CDH4: variants seen among roughly 807,000 people sequenced by gnomAD.
CDH4 encodes the protein cadherin 4, also known as cadherin-4.
CDH4 carries 33 observed loss-of-function variants against 86.0 expected under a neutral mutation model. The ratio of observed to expected loss-of-function variants is 0.38; its 90% CI spans 0.29 to 0.51. The LOEUF is 0.51. Among genes scored for constraint, CDH4 ranks in the 20% least tolerant of loss-of-function variants. The pLI, the probability that CDH4 is intolerant of heterozygous loss-of-function variation, is 0.86. For synonymous variants in CDH4, 555 were observed against 549.4 expected, an observed-to-expected ratio of 1.01 and a Z score of -0.14; for missense variants, 1,114 against 1,307.4, an observed-to-expected ratio of 0.85 and a Z score of 2.28.
Position 61,636,882 on chromosome 20 carries a change from G to T in CDH4, c.170-106681G>T, listed in dbSNP as rs938456718. 9.9e-4 allele frequency among the ~76,000 whole-genome samples: 151 copies of T among 152,280 alleles called. 1 individual carries two copies. Among genetic ancestry groups the T allele is most frequent in the African/African-American group, 3.5e-3 (147 of 41,578 alleles). ...CTGCATGGAGGGCAGCTAGCTGGGG[G>T]CCCACCCTCCCTGAGCTGCACCAGG... On this transcript the variant is annotated intron_variant, in intron 2 of 15. Transcript: ENST00000614565.
At chr20:61,386,132 CCT>C (rs2084949662) in intron 2 of CDH4, among the ~76,000 whole-genome samples, 3 of 152,162 alleles carry the variant, frequency 2.0e-5, no homozygotes, top group Non-Finnish European at 4.4e-5. Flanking sequence ...GAAGTTGACC[CCT>C]GTCTCATTGT....
chr20:61,562,981 A>G (rs1037793878), intron 2 of CDH4, among the ~76,000 whole-genome samples: 6 of 152,186 alleles, frequency 3.9e-5, no homozygotes, highest in Non-Finnish European at 8.8e-5. Context: ...GGCTGGGTCC[A>G]GGGGCACCAG....
Position 61,362,065 on chromosome 20 carries a change from C to T in CDH4, c.169+107128C>T, listed in dbSNP as rs534329884. 6.6e-5 allele frequency among the ~76,000 whole-genome samples: 10 copies of T among 152,330 alleles called. No individual in the cohort carries two copies. The East Asian group carries it at 1.4e-3, about 21-fold the overall frequency. ...CTGGTGAAGAAGATGCAGAGGGCTG[C>T]GCGTCCCTTAGCCAGCATGGTCGGT... On this transcript the variant is annotated intron_variant, in intron 2 of 15. Coordinates refer to ENST00000614565, the MANE Select transcript of CDH4 (RefSeq NM_001794.5).
chr20:61,548,225 C>T (rs764826250), intron 2 of CDH4, among the ~76,000 whole-genome samples: 4 of 152,188 alleles, frequency 2.6e-5, no homozygotes, highest in Non-Finnish European at 5.9e-5. Flanking sequence ...AAAACCTGTA[C>T]AGTTCCGAGC....
intron 2 of CDH4, among the ~76,000 whole-genome samples, chr20:61,539,800 T>G (rs6121674): frequency 0.26 from 39,252 of 152,128 alleles, 7,019 homozygotes; most frequent in African/African-American, 0.5. Context: ...GCTCTTGACC[T>G]CCATGGCTTC....
At chr20:61,386,015 G>A (rs1209682425) in intron 2 of CDH4, among the ~76,000 whole-genome samples, 2 of 152,192 alleles carry the variant, frequency 1.3e-5, no homozygotes, top group Non-Finnish European at 2.9e-5. Flanking sequence ...GACGCTCATG[G>A]ATGTTTCTCC....
chr20:61,258,347 A>AAAAAAAG (rs1568770415), intron 2 of CDH4, among the ~76,000 whole-genome samples: 43 of 109,890 alleles, frequency 3.9e-4, no homozygotes, highest in African/African-American at 8.2e-4. Context: ...AAAAAAAAAG[A>AAAAAAAG]AAAAAAAAAA....
rs10048847 is a variant in CDH4 at position 61,502,803 on chromosome 20, C to T, written c.170-240760C>T. On this transcript the variant is annotated intron_variant, in intron 2 of 15. Transcript: ENST00000614565. ...GAACTAGCTTATTGCATAAGAATTA[C>T]TCTGTACTGGGGCTCCTGAATTGGA... is the stretch of plus-strand genomic sequence containing the variant. 6.9e-3 allele frequency among the ~76,000 whole-genome samples: 1,045 copies of T among 152,230 alleles called. 10 individuals are homozygous for T. Among genetic ancestry groups the T allele is most frequent in the African/African-American group, 0.024 (1,004 of 41,522 alleles).
chr20:61,653,094 T>C (rs1158276496), intron 2 of CDH4, among the ~76,000 whole-genome samples: 3 of 127,634 alleles, frequency 2.4e-5, no homozygotes, highest in Admixed American at 1.6e-4. Context: ...CCTTCCGCAG[T>C]GTTTGTGTCC....
chr20:61,849,975 C>T (rs1424583636), intron 5 of CDH4, among the ~76,000 whole-genome samples: 1 of 152,194 alleles, frequency 6.6e-6, no homozygotes, highest in East Asian at 1.9e-4. Context: ...TTCCATTTTC[C>T]ACCCAGCTCT....
chr20:61,304,809 G>T (rs573578350), intron 2 of CDH4, among the ~76,000 whole-genome samples: 1 of 152,014 alleles, frequency 6.6e-6, no homozygotes, highest in East Asian at 1.9e-4. Flanking sequence ...TATTGTGTGT[G>T]GGGATGTGTG....
chr20:61,735,990 C>T (rs529572692), intron 2 of CDH4, among the ~76,000 whole-genome samples: 37 of 152,246 alleles, frequency 2.4e-4, no homozygotes, highest in Middle Eastern at 3.4e-3. Flanking sequence ...ACATTGGGCC[C>T]TAAAGGGGGT....
chr20:61,430,024 C>T (rs2085237371), intron 2 of CDH4, among the ~76,000 whole-genome samples: 1 of 152,228 alleles, frequency 6.6e-6, no homozygotes, highest in Non-Finnish European at 1.5e-5. Flanking sequence ...TTCCTTGGCC[C>T]AGCCGCAGAG....
intron 2 of CDH4, among the ~76,000 whole-genome samples, chr20:61,454,636 G>A (rs189393348): frequency 1.3e-5 from 2 of 152,230 alleles, no homozygotes; most frequent in Admixed American, 6.5e-5. Flanking sequence ...TAGTAGAAAC[G>A]GGGTTTCACC....
At chr20:61,297,558 C>A (rs563333373) in intron 2 of CDH4, among the ~76,000 whole-genome samples, 134 of 152,398 alleles carry the variant, frequency 8.8e-4, no homozygotes, top group South Asian at 3.5e-3. Context: ...GCGTGGCCCA[C>A]TGACAGCCCA....
intron 2 of CDH4, among the ~76,000 whole-genome samples, chr20:61,512,410 C>T (rs1049613861): frequency 6.6e-6 from 1 of 152,162 alleles, no homozygotes; most frequent in Non-Finnish European, 1.5e-5. Context: ...TCTTCCAGGT[C>T]GCCCATTTCC....
At chr20:61,800,852 G>A (rs1355963098) in intron 4 of CDH4, among the ~76,000 whole-genome samples, 1 of 152,186 alleles carries the variant, frequency 6.6e-6, no homozygotes, top group Non-Finnish European at 1.5e-5. Flanking sequence ...GTAACCTCTG[G>A]CACTCCACAT....
At chr20:61,550,494 G>T (rs1600750606) in intron 2 of CDH4, among the ~76,000 whole-genome samples, 1 of 152,152 alleles carries the variant, frequency 6.6e-6, no homozygotes, top group Non-Finnish European at 1.5e-5. Context: ...TCTTCCCTCT[G>T]CCAGCTTCCA....
Position 61,510,283 on chromosome 20 carries a change from G to T in CDH4, c.170-233280G>T, listed in dbSNP as rs542074791. On this transcript the variant is annotated intron_variant, in intron 2 of 15. Coordinates refer to ENST00000614565, the MANE Select transcript of CDH4 (RefSeq NM_001794.5). This position sits in a 1 kb window ranked among gnomAD's most constrained non-coding sequence, Gnocchi z 4.2. ...ACTTGGTGTGTGCTTTGTGTTTTGG[G>T]GGGGCCAGGAACGTGCATTCAGGGG... Among the ~76,000 whole-genome samples the T allele has an allele frequency of 1.7e-4, 26 of 152,304 alleles. No homozygotes were observed. The highest frequency in any genetic ancestry group is 6.0e-4 in the African/African-American group (25 of 41,548).
Sources: allele counts gnomAD v4.1 joint callset (sites outside exome capture counted in the v4.1 genomes callset), GRCh38; gene constraint gnomAD v4.1.1; non-coding constraint Gnocchi (gnomAD v3.1); transcripts MANE v1.5; gene names NCBI Gene and HGNC (gene_info 2026-07-23, HGNC 2026-07-21).